The following CCDC28B variants were observed in gnomAD, a reference collection of about 807,000 sequenced individuals.
The protein encoded by CCDC28B is coiled-coil domain containing 28B.
CCDC28B carries 17 observed loss-of-function variants against 18.7 expected under a neutral mutation model. The observed-to-expected ratio is 0.91, with a 90% CI of 0.62 to 1.36. The LOEUF (loss-of-function observed/expected upper bound fraction) is 1.36, where lower values mean the gene tolerates loss of function less well. CCDC28B is among the 40% of genes most tolerant of loss of function. The pLI is 0.00. For missense variants in CCDC28B, 213 were observed against 251.7 expected (o/e 0.85, Z 1.04); for synonymous variants, 116 against 105.1 (o/e 1.10, Z -0.64).
upstream of CCDC28B, among the ~76,000 whole-genome samples, chr1:32,199,212 A>G (rs1001647015): frequency 2.9e-4 from 44 of 152,306 alleles, no homozygotes; most frequent in African/African-American, 1.0e-3. Context: ...AATGGCAGAG[A>G]CAACCCACCT....
rs1210202170 is a variant in CCDC28B at position 32,204,174 on chromosome 1, G to A, written c.332-12G>A. The A allele has an allele frequency of 1.2e-6, 2 of 1,613,842 alleles. No homozygotes were observed. The highest frequency in any genetic ancestry group is 2.7e-5 in the African/African-American group (2 of 74,896). On this transcript the variant is annotated splice_polypyrimidine_tract_variant and intron_variant, in intron 3 of 5. Transcript: ENST00000373602. ...ACTCTTTCCCAGGGTTCAGACAGGG[G>A]CTTCGTTCCAGGGAAGGAATGCTCC...
rs777788392 is a variant in CCDC28B, at chr1:32,205,165, C to T, written c.549-29C>T. The T allele has an allele frequency of 1.1e-4, 182 of 1,612,734 alleles. No homozygotes were observed. The highest frequency in any genetic ancestry group is 2.2e-4 in the Admixed American group (13 of 59,848). On this transcript the variant is annotated intron_variant, in intron 5 of 5. Coordinates refer to ENST00000373602, the MANE Select transcript of CCDC28B (RefSeq NM_024296.5). The surrounding 1 kb of genome is among the most constrained non-coding windows in gnomAD (Gnocchi z 5.6). ...ACCGGGGTGGGAGGAAGGACTGGTC[C>T]AAAGCGCCACGATCCTTGACGGGCA...
chr1:32,204,198 C>T lies in CCDC28B; in HGVS notation c.344C>T (p.Ser115Phe), dbSNP rs774162573. 3.7e-6 allele frequency: 6 copies of T among 1,614,054 alleles called. No homozygotes were observed. In the East Asian group the frequency reaches 1.3e-4, roughly 36 times the overall value. Residue 115 changes from serine to phenylalanine, a missense_variant, in exon 4 of 6, where the codon TCC becomes TTC. By Grantham distance (155) the Ser-to-Phe change is radical. Transcript: ENST00000373602. ...GGCTTCGTTCCAGGGAAGGAATGCT[C>T]CTTTGAGCAGCTGGAGCACGTTCGG... ...GRLQAFGKEC[S>F]FEQLEHVREM...
intron 4 of CCDC28B, 92 bp from the exon 5 acceptor site, chr1:32,204,506 C>T (rs1643254223): frequency 2.0e-6 from 3 of 1,516,910 alleles, no homozygotes; most frequent in East Asian, 4.5e-5. Flanking sequence ...CTCTGGGCCC[C>T]TCAACCTCCC....
chr1:32,200,305 G>A, upstream of CCDC28B: 1 of 153,148 alleles, frequency 6.5e-6, no homozygotes, highest in Non-Finnish European at 1.5e-5. Context: ...GTTGCTGCTT[G>A]TGCTTCTTCT....
rs754274296 is a variant in CCDC28B at position 32,201,712 on chromosome 1, T to C, written c.-23-201T>C. 10 of 423,136 alleles carry C rather than the reference T, an allele frequency of 2.4e-5. No individual in the cohort carries two copies. In the East Asian group the frequency reaches 3.8e-4, roughly 16 times the overall value. The allele number at this position is 423,136 out of a possible 1,614,324, so 26.2% of individuals were successfully genotyped here. On this transcript the variant is annotated intron_variant, in intron 1 of 5. Coordinates refer to ENST00000373602, the MANE Select transcript of CCDC28B (RefSeq NM_024296.5). ...CTAGGTTTTCAGGCAGAAGGGGAAT[T>C]AGGTTGGGCCTTAGAAGGTCCTTCA...
chr1:32,196,105 ACCACC>A (rs1643019681), upstream of CCDC28B: 1 of 155,462 alleles, frequency 6.4e-6, no homozygotes, highest in Non-Finnish European at 1.4e-5. Context: ...CACCTCCTTC[ACCACC>A]CCACTTGGCT....
In CCDC28B at chr1:32,202,053, G is replaced by A; in HGVS notation, c.118G>A (p.Gly40Arg). The change falls in exon 2 of 6, where the codon GGA becomes AGA. Residue 40 changes from glycine (G) to arginine (R), a missense_variant. Coordinates refer to ENST00000373602, the MANE Select transcript of CCDC28B (RefSeq NM_024296.5). The stretch of plus-strand genomic sequence containing the variant: ...CAGCCACAGCGGCTCCTTGGCCCTA[G>A]GACTTCCTCATCTGCCATCCCCCAA... ...PTSHSGSLAL[G>R]LPHLPSPKQR... is the part of the protein sequence containing the mutation. The A allele has an allele frequency of 6.2e-7, 1 of 1,613,754 alleles. No individual in the cohort carries two copies. The highest frequency in any genetic ancestry group is 8.5e-7 in the Non-Finnish European group (1 of 1,179,870).
upstream of CCDC28B, chr1:32,197,755 A>AG (rs1433483409): frequency 6.6e-6 from 1 of 152,082 alleles, no homozygotes; most frequent in Non-Finnish European, 1.5e-5. This position sits in a 1 kb window ranked among gnomAD's most constrained non-coding sequence, Gnocchi z 4.6. Context: ...AATTGTTTTC[A>AG]GGGCCTTGTC....
At chr1:32,204,690 C>G (rs1643262688) in intron 5 of CCDC28B, 70 bp downstream of exon 5, 1 of 1,614,150 alleles carries the variant, frequency 6.2e-7, no homozygotes, top group Non-Finnish European at 8.5e-7. Context: ...CTCCAGCCCT[C>G]CAGGAGTATT....
intron 5 of CCDC28B, chr1:32,204,982 G>A (rs186720093): frequency 5.7e-5 from 70 of 1,228,672 alleles, no homozygotes; most frequent in Non-Finnish European, 7.6e-5. Context: ...GAGTGCGCGC[G>A]CACACACCCC....
chr1:32,196,886 C>T (rs1643037469), upstream of CCDC28B: 1 of 152,236 alleles, frequency 6.6e-6, no homozygotes, highest in Non-Finnish European at 1.5e-5. Context: ...CACACCATTT[C>T]TCCTTCTCCT....
rs917017039 is a variant in CCDC28B, at chr1:32,204,928, A to T, written c.549-266A>T. 4 of 1,432,754 alleles carry T rather than the reference A, an allele frequency of 2.8e-6. No homozygotes were observed. In the African/African-American group the frequency reaches 5.7e-5, roughly 21 times the overall value. 88.8% of individuals were successfully genotyped at this position (1,432,754 alleles called of 1,614,324 possible). ...TCAGCATTGAACAATTATTTTTACT[A>T]ATTTACACTACCACCTCACCTGGTC... On this transcript the variant is annotated intron_variant, in intron 5 of 5. Coordinates refer to ENST00000373602, the MANE Select transcript of CCDC28B (RefSeq NM_024296.5).
upstream of CCDC28B, among the ~76,000 whole-genome samples, chr1:32,199,369 G>GT (rs772542045): frequency 1.4e-3 from 138 of 96,078 alleles, no homozygotes; most frequent in Admixed American, 5.3e-3. Flanking sequence ...TGGAGGGTGT[G>GT]GGGGGGGTGC....
Position 32,205,201 on chromosome 1 carries a change from C to G in CCDC28B, c.556C>G (p.Leu186Val), listed in dbSNP as rs1643286386. ...GATCCTTGACGGGCACAGCCAGAAG[C>G]TGCACCTGGCCGAGAACGCCGAGCC... The part of the protein sequence containing the change: ...LEDLSNSIQK[L>V]HLAENAEPEE... Residue 186 changes from leucine to valine, a missense_variant, in exon 6 of 6, where the codon CTG becomes GTG. By Grantham distance (32) the Leu-to-Val change is conservative. Transcript: ENST00000373602. The surrounding 1 kb of genome is among the most constrained non-coding windows in gnomAD (Gnocchi z 5.6). 1 of 1,613,846 alleles carries G rather than the reference C, an allele frequency of 6.2e-7. No homozygotes were observed.
chr1:32,202,045 T>TGGCCC lies in CCDC28B; in HGVS notation c.111_115dup (p.Leu39ArgfsTer3). ...GTGCCTACCAGCCACAGCGGCTCCTTGGCCCTAGGACTTCCTCATCTGCCA... is the reference window on the plus strand; with the variant it reads ...GTGCCTACCAGCCACAGCGGCTCCTTGGCCCGGCCCTAGGACTTCCTCATCTGCCA... On this transcript the variant is annotated frameshift_variant, in exon 2 of 6. Coordinates refer to ENST00000373602, the MANE Select transcript of CCDC28B (RefSeq NM_024296.5). LOFTEE classifies it high-confidence loss of function. 6.2e-7 allele frequency: 1 copy of TGGCCC among 1,613,928 alleles called. No homozygotes were observed.
At chr1:32,203,076 G>C (rs938639087) in intron 2 of CCDC28B, 1 of 151,884 alleles carries the variant, frequency 6.6e-6, no homozygotes, top group Non-Finnish European at 1.5e-5. Context: ...AGAGGTTGCA[G>C]TGAACCGAGA....
chr1:32,201,041 C>G (rs1643136833), intron 1 of CCDC28B, among the ~76,000 whole-genome samples: 1 of 151,926 alleles, frequency 6.6e-6, no homozygotes, highest in Non-Finnish European at 1.5e-5. Context: ...CCCCAACCCC[C>G]CCAGTCCCAG....
Position 32,205,067 on chromosome 1 carries a change from C to G in CCDC28B, c.549-127C>G. On this transcript the variant is annotated intron_variant, in intron 5 of 5. Coordinates refer to ENST00000373602, the MANE Select transcript of CCDC28B (RefSeq NM_024296.5). The surrounding 1 kb of genome is among the most constrained non-coding windows in gnomAD (Gnocchi z 5.6). ...GGCAGGCGGGGACTGCAACCTCAGT[C>G]CACAGACGGCCCGAGACCCTCGTCC... 1 of 1,270,600 alleles carries G rather than the reference C, an allele frequency of 7.9e-7. No individual in the cohort carries two copies. The highest frequency in any genetic ancestry group is 1.1e-6 in the Non-Finnish European group (1 of 923,844). The allele number at this position is 1,270,600 out of a possible 1,614,324, so 78.7% of individuals were successfully genotyped here.
Sources: gnomAD v4.1 joint callset for allele counts (sites outside exome capture counted in the v4.1 genomes callset) on GRCh38, gnomAD v4.1.1 for gene constraint, Gnocchi (gnomAD v3.1) non-coding constraint, MANE v1.5 for transcripts, NCBI Gene and HGNC (gene_info 2026-07-23, HGNC 2026-07-21) for gene names.